TBC1D24: variants seen among roughly 807,000 people sequenced by gnomAD.
TBC1D24 encodes TBC1 domain family member 24.
In TBC1D24, 47 loss-of-function variants were observed where a neutral mutation model predicts 50.7. The ratio of observed to expected loss-of-function variants is 0.93; its 90% CI spans 0.73 to 1.18. The LOEUF is 1.18. Among genes scored for constraint, TBC1D24 ranks in the 50% most tolerant of loss-of-function variants. The probability of loss-of-function intolerance (pLI) is 0.00; values close to 1 mark genes in which losing one functional copy is unlikely to be tolerated. For synonymous variants in TBC1D24, 324 were observed against 335.2 expected (o/e 0.97, Z 0.36); for missense variants, 688 against 766.5 (o/e 0.90, Z 1.21).
intron 1 of TBC1D24, chr16:2,484,345 C>T (rs539890450): frequency 2.0e-5 from 3 of 152,426 alleles, no homozygotes; most frequent in Admixed American, 1.3e-4. Flanking sequence ...TCCCCACCCC[C>T]ACTGCTTAGA....
chr16:2,500,724 G>C lies in TBC1D24; in HGVS notation c.1526-80G>C. 6.6e-7 allele frequency: 1 copy of C among 1,520,234 alleles called. No individual in the cohort carries two copies. The highest frequency in any genetic ancestry group is 8.8e-7 in the Non-Finnish European group (1 of 1,135,022). The allele number at this position is 1,520,234 out of a possible 1,614,324, so 94.2% of individuals were successfully genotyped here. A position where few individuals can be genotyped will look rare whatever the true frequency, so the allele number is the denominator to read the frequency against. On this transcript the variant is annotated intron_variant, in intron 7 of 7. Coordinates refer to ENST00000646147, the MANE Select transcript of TBC1D24 (RefSeq NM_001199107.2). The surrounding 1 kb of genome is among the most constrained non-coding windows in gnomAD (Gnocchi z 8.0). ...TTTCAGAGAGGCCCGTGCAGGGCAGGACAGCTGGGACAGCAGGTGAGGTGC... is the reference window on the plus strand; with the variant it reads ...TTTCAGAGAGGCCCGTGCAGGGCAGCACAGCTGGGACAGCAGGTGAGGTGC...
In TBC1D24 at chr16:2,475,190, G is replaced by A. The variant is rs2065555377; in HGVS notation, c.-116+20G>A. The A allele has an allele frequency of 6.7e-6, 1 of 149,556 alleles. No homozygotes were observed. The highest frequency in any genetic ancestry group is 1.8e-4 in the South Asian group (1 of 5,516). 9.3% of individuals were successfully genotyped at this position (149,556 alleles called of 1,614,324 possible). On this transcript the variant is annotated intron_variant, in intron 1 of 7. Transcript: ENST00000646147. This position sits in a 1 kb window ranked among gnomAD's most constrained non-coding sequence, Gnocchi z 4.2. The stretch of plus-strand genomic sequence containing the variant: ...GCGGAGGTGGGTGCGCTCGGGGCGT[G>A]CGGGGGGCGCGCGGCGGGGTGGCGG...
At position 2,503,061 on chromosome 16, in the gene TBC1D24, T is replaced by G. The variant is rs1307842884; in HGVS notation, c.*2103T>G. ...TCCGTGGACCATTTGTAGGTTTCCC[T>G]CTGCAAACTTCCTGAACTGGGTGGT... On this transcript the variant is annotated 3_prime_UTR_variant, in exon 8 of 8. Transcript: ENST00000646147. The G allele has an allele frequency of 6.6e-6, 1 of 152,248 alleles. No individual in the cohort carries two copies. Among genetic ancestry groups the G allele is most frequent in the Non-Finnish European group, 1.5e-5 (1 of 68,048 alleles). 9.4% of individuals were successfully genotyped at this position (152,248 alleles called of 1,614,324 possible).
intron 1 of TBC1D24, among the ~76,000 whole-genome samples, chr16:2,494,864 C>T (rs2141869144): frequency 6.6e-6 from 1 of 152,058 alleles, no homozygotes; most frequent in East Asian, 1.9e-4. Context: ...TAAGTGGAAG[C>T]CCTTCTAATA....
At chr16:2,491,464 C>T (rs1279574327) in intron 1 of TBC1D24, among the ~76,000 whole-genome samples, 2 of 151,896 alleles carry the variant, frequency 1.3e-5, no homozygotes, top group East Asian at 3.9e-4. Context: ...TCAGGTCCCA[C>T]TGCAGCCTTG....
Position 2,496,493 on chromosome 16 carries a change from C to A in TBC1D24, c.345C>A (p.Arg115=), listed in dbSNP as rs1265414633. The change falls in exon 2 of 8, where the codon CGC becomes CGA. Residue 115 remains arginine, a synonymous_variant. Transcript: ENST00000646147. The stretch of plus-strand genomic sequence containing the variant: ...ATGCACGCGGCGAGGGGGCCGTGCG[C>A]AAGATCCTCCTGTGCCTGGCCAACC... The part of the protein sequence containing the change: ...CLNARGEGAV[R]KILLCLANQF... 6.2e-7 allele frequency: 1 copy of A among 1,609,984 alleles called. No individual in the cohort carries two copies. The highest frequency in any genetic ancestry group is 2.2e-5 in the East Asian group (1 of 44,886).
At position 2,503,352 on chromosome 16, in the gene TBC1D24, T is replaced by A. The variant is rs1366795675; in HGVS notation, c.*2394T>A. 1 of 152,252 alleles carries A rather than the reference T, an allele frequency of 6.6e-6. No homozygotes were observed. Among genetic ancestry groups the A allele is most frequent in the East Asian group, 1.9e-4 (1 of 5,206 alleles). 9.4% of individuals were successfully genotyped at this position (152,252 alleles called of 1,614,324 possible). ...TATCACTGTACTTGTTAGTATCTGA[T>A]ATTAGGTATTCCCAAATAGAACATA... On this transcript the variant is annotated 3_prime_UTR_variant, in exon 8 of 8. Coordinates refer to ENST00000646147, the MANE Select transcript of TBC1D24 (RefSeq NM_001199107.2).
At chr16:2,495,807 T>A (rs180867774) in intron 1 of TBC1D24, among the ~76,000 whole-genome samples, 1 of 150,618 alleles carries the variant, frequency 6.6e-6, no homozygotes, top group East Asian at 2.0e-4. Context: ...GGCATGGTGG[T>A]GGACACCTGT....
rs920263289 is a variant in TBC1D24, at chr16:2,486,877, G to C, written c.-115-9157G>C. Reference sequence around the variant, plus strand: ...ACTGCCACTGTCAGGCCACGGTCCTGTGGGATCCAACCCTGAGCCATCTCT... The same window carrying C: ...ACTGCCACTGTCAGGCCACGGTCCTCTGGGATCCAACCCTGAGCCATCTCT... On this transcript the variant is annotated intron_variant, in intron 1 of 7. Coordinates refer to ENST00000646147, the MANE Select transcript of TBC1D24 (RefSeq NM_001199107.2). The surrounding 1 kb of genome is among the most constrained non-coding windows in gnomAD (Gnocchi z 5.8). Among the ~76,000 whole-genome samples, 6 of 152,214 alleles carry C rather than the reference G, an allele frequency of 3.9e-5. No individual in the cohort carries two copies. Among genetic ancestry groups the C allele is most frequent in the Non-Finnish European group, 5.9e-5 (4 of 68,026 alleles).
rs555358267 is a variant in TBC1D24, at chr16:2,482,460, C to T, written c.-116+7290C>T. Among the ~76,000 whole-genome samples, 3 of 152,294 alleles carry T rather than the reference C, an allele frequency of 2.0e-5. No individual in the cohort carries two copies. The East Asian group carries it at 5.8e-4, about 29-fold the overall frequency. On this transcript the variant is annotated intron_variant, in intron 1 of 7. Transcript: ENST00000646147. This position sits in a 1 kb window ranked among gnomAD's most constrained non-coding sequence, Gnocchi z 5.2. ...GCAGAAAGCGAAAGGGGACAGGTGT[C>T]TCCTGCCACTCTGAACAGTGACATT...
chr16:2,503,795 T>G lies in TBC1D24; in HGVS notation c.*2837T>G, dbSNP rs1442734516. ...GGCTGGTCTTGAACTCCTGACCTCG[T>G]GATCCACCCCCCCCTCAGCCTCCCA... On this transcript the variant is annotated 3_prime_UTR_variant, in exon 8 of 8. Transcript: ENST00000646147. 1 of 151,500 alleles carries G rather than the reference T, an allele frequency of 6.6e-6. No homozygotes were observed. The allele number at this position is 151,500 out of a possible 1,614,324, so 9.4% of individuals were successfully genotyped here. A position where few individuals can be genotyped will look rare whatever the true frequency, so the allele number is the denominator to read the frequency against.
chr16:2,497,711 G>T lies in TBC1D24; in HGVS notation c.967G>T (p.Val323Leu). 7.2e-6 allele frequency: 11 copies of T among 1,536,118 alleles called. No individual in the cohort carries two copies. The highest frequency in any genetic ancestry group is 9.6e-6 in the Non-Finnish European group (11 of 1,146,870). The stretch of plus-strand genomic sequence containing the variant: ...CCGTTGCTTTCTCCTGTTTTTCAGT[G>T]TGTCACTTTCTAAAAGGTAGGTCTG... ...QKGITVKQKS[V>L]SLSKRQFVHL... The change falls in exon 3 of 8, where the codon GTG (valine) becomes TTG (leucine). Residue 323 changes from valine (V) to leucine (L), a missense_variant and splice_region_variant. Physicochemically the swap from Val to Leu is conservative, Grantham distance 32 (BLOSUM62 1). Transcript: ENST00000646147.
rs62040717 is a variant in TBC1D24, at chr16:2,501,146, C to T, written c.*188C>T. 0.072 allele frequency: 50,373 copies of T among 699,132 alleles called. 2,168 individuals are homozygous for T. The highest frequency in any genetic ancestry group is 0.089 in the Non-Finnish European group (37,789 of 423,020). The allele number at this position is 699,132 out of a possible 1,614,324, so 43.3% of individuals were successfully genotyped here. Reference sequence around the variant, plus strand: ...CTACCTGGGGTTTGGGCTGGGCTTCCCCAGTCCACCTGCATCTGGGTCAGA... The same window carrying T: ...CTACCTGGGGTTTGGGCTGGGCTTCTCCAGTCCACCTGCATCTGGGTCAGA... On this transcript the variant is annotated 3_prime_UTR_variant, in exon 8 of 8. Coordinates refer to ENST00000646147, the MANE Select transcript of TBC1D24 (RefSeq NM_001199107.2).
rs1277417332 is a variant in TBC1D24 at position 2,500,300 on chromosome 16, G to A, written c.1335G>A (p.Val445=). The A allele has an allele frequency of 6.2e-7, 1 of 1,610,270 alleles. No homozygotes were observed. The highest frequency in any genetic ancestry group is 8.5e-7 in the Non-Finnish European group (1 of 1,178,992). The change falls in exon 7 of 8, where the codon GTG becomes GTA. Residue 445 remains valine (V), a synonymous_variant. Transcript: ENST00000646147. The surrounding 1 kb of genome is among the most constrained non-coding windows in gnomAD (Gnocchi z 8.0). ...LQPEVQRYEW[V]VIKHPELTKP... ...CTGAGGTGCAGCGCTACGAGTGGGT[G>A]GTGATCAAGCACCCCGAGCTGACCA...
At chr16:2,498,601 G>T (rs1192023717) in intron 4 of TBC1D24, among the ~76,000 whole-genome samples, 1 of 152,240 alleles carries the variant, frequency 6.6e-6, no homozygotes, top group African/African-American at 2.4e-5. Flanking sequence ...CCACAGCTTG[G>T]GGCCATGCAG....
intron 1 of TBC1D24, among the ~76,000 whole-genome samples, chr16:2,494,273 G>A (rs2065719140): frequency 6.6e-6 from 1 of 152,150 alleles, no homozygotes; most frequent in South Asian, 2.1e-4. Flanking sequence ...CTGGCTGGGT[G>A]TGGTGGCGGG....
chr16:2,500,473 G>A lies in TBC1D24; in HGVS notation c.1508G>A (p.Ser503Asn), dbSNP rs1329614789. ...KTESMFMAGG[S>N]DCLIVGGGGG... ...GAGTCCATGTTCATGGCGGGGGGCA[G>A]CGACTGCCTCATCGTCGGTGAGCGC... Residue 503 changes from serine to asparagine, a missense_variant, in exon 7 of 8, where the codon AGC (serine) becomes AAC (asparagine). Physicochemically the swap from Ser to Asn is conservative, Grantham distance 46 (BLOSUM62 1). Coordinates refer to ENST00000646147, the MANE Select transcript of TBC1D24 (RefSeq NM_001199107.2). The surrounding 1 kb of genome is among the most constrained non-coding windows in gnomAD (Gnocchi z 8.0). The A allele has an allele frequency of 4.4e-6, 7 of 1,575,798 alleles. No homozygotes were observed. Among genetic ancestry groups the A allele is most frequent in the Non-Finnish European group, 6.0e-6 (7 of 1,161,234 alleles).
chr16:2,484,869 G>A (rs1373470239), intron 1 of TBC1D24: 1 of 152,338 alleles, frequency 6.6e-6, no homozygotes, highest in East Asian at 1.9e-4. Flanking sequence ...TAGGTGGGAG[G>A]CCTGGGCCCC....
chr16:2,498,080 G>A (rs1323445617), intron 3 of TBC1D24, among the ~76,000 whole-genome samples, 158 bp from the exon 4 acceptor site: 5 of 152,158 alleles, frequency 3.3e-5, no homozygotes, highest in East Asian at 1.9e-4. Flanking sequence ...CTTTCTCCCC[G>A]TTGGGCACCT....
Sources: allele counts gnomAD v4.1 joint callset (sites outside exome capture counted in the v4.1 genomes callset), GRCh38; gene constraint gnomAD v4.1.1; non-coding constraint Gnocchi (gnomAD v3.1); transcripts MANE v1.5; gene names NCBI Gene and HGNC (gene_info 2026-07-23, HGNC 2026-07-21).